PRDM16: variants seen among roughly 807,000 people sequenced by gnomAD.
The protein encoded by PRDM16 is histone-lysine N-methyltransferase PRDM16.
PRDM16 carries 23 observed loss-of-function variants against 110.6 expected under a neutral mutation model. The ratio of observed to expected loss-of-function variants is 0.21; its 90% CI spans 0.15 to 0.29. The LOEUF (loss-of-function observed/expected upper bound fraction) is 0.29. Ranked by LOEUF, PRDM16 falls within the 10% of genes least tolerant of loss-of-function variation. PRDM16 has a pLI of 1.00. For missense variants in PRDM16, 1,615 were observed against 1,794.3 expected, an observed-to-expected ratio of 0.90 and a Z score of 1.81; for synonymous variants, 799 against 781.8, an observed-to-expected ratio of 1.02 and a Z score of -0.37.
intron 3 of PRDM16, among the ~76,000 whole-genome samples, chr1:3,299,554 C>A (rs77467780): frequency 0.027 from 2,150 of 79,520 alleles, 1 homozygote; most frequent in East Asian, 0.037. Context: ...GTGATGTTTC[C>A]GATCCCAGTC....
At chr1:3,074,924 T>G (rs1458456687) in intron 1 of PRDM16, among the ~76,000 whole-genome samples, 1 of 152,232 alleles carries the variant, frequency 6.6e-6, no homozygotes, top group African/African-American at 2.4e-5. Flanking sequence ...CCACGGCTCC[T>G]GAAGTCTGGG....
In PRDM16 at chr1:3,412,638, G is replaced by A. The variant is rs1436260455; in HGVS notation, c.2441G>A (p.Ser814Asn). 1.9e-6 allele frequency: 3 copies of A among 1,568,426 alleles called. No homozygotes were observed. The highest frequency in any genetic ancestry group is 2.6e-6 in the Non-Finnish European group (3 of 1,157,064). The change falls in exon 9 of 17, where the codon AGC (serine) becomes AAC (asparagine). Residue 814 changes from serine (S) to asparagine (N), a missense_variant. By Grantham distance (46) the Ser-to-Asn change is conservative (BLOSUM62 1). This residue lies in a region of PRDM16 where 772 missense variants were observed against 748.3 expected (regional missense o/e 1.03). Coordinates refer to ENST00000270722, the MANE Select transcript of PRDM16 (RefSeq NM_022114.4). ...AGCATCGGCAGCCGGGCCCGTGCCA[G>A]CCAAAACGGCGGCGGGCGGGAGCCC... ...DLSIGSRARA[S>N]QNGGGREPRK...
At chr1:3,108,903 T>TA (rs34467003) in intron 1 of PRDM16, among the ~76,000 whole-genome samples, 8,411 of 146,164 alleles carry the variant, frequency 0.058, 299 homozygotes, top group East Asian at 0.077. Flanking sequence ...CTGTCTCTAC[T>TA]AAAAAAAAAA....
At chr1:3,305,838 G>A (rs900095433) in intron 3 of PRDM16, among the ~76,000 whole-genome samples, 16 of 152,208 alleles carry the variant, frequency 1.1e-4, no homozygotes, top group South Asian at 2.1e-4. Flanking sequence ...GAACCCTTCC[G>A]GGTGATGCCC....
At chr1:3,400,153 G>A (rs1038967972) in intron 5 of PRDM16, among the ~76,000 whole-genome samples, 1 of 152,216 alleles carries the variant, frequency 6.6e-6, no homozygotes, top group Non-Finnish European at 1.5e-5. Context: ...CAAAACCATG[G>A]GCAGGCTGCA....
At chr1:3,287,266 G>GGT (rs1640867820) in intron 3 of PRDM16, among the ~76,000 whole-genome samples, 1 of 148,688 alleles carries the variant, frequency 6.7e-6, no homozygotes, top group Admixed American at 6.7e-5. Flanking sequence ...CGGGGCTGGA[G>GGT]GCGCCCCGCC....
chr1:3,330,694 C>T (rs1642024155), intron 3 of PRDM16, among the ~76,000 whole-genome samples: 2 of 152,254 alleles, frequency 1.3e-5, no homozygotes, highest in South Asian at 4.1e-4. Context: ...GCAGAACAAA[C>T]AGCCCAGAGA....
chr1:3,345,067 TCA>T (rs1038315947), intron 3 of PRDM16, among the ~76,000 whole-genome samples: 1 of 152,212 alleles, frequency 6.6e-6, no homozygotes, highest in African/African-American at 2.4e-5. Flanking sequence ...TCTGACAGCC[TCA>T]CACTGCATCC....
At chr1:3,203,773 C>A (rs1158717855) in intron 2 of PRDM16, among the ~76,000 whole-genome samples, 1 of 152,204 alleles carries the variant, frequency 6.6e-6, no homozygotes, top group East Asian at 1.9e-4. Context: ...ATCACATCTC[C>A]CAAGACCCTG....
chr1:3,284,078 G>A (rs1052762534), intron 3 of PRDM16, among the ~76,000 whole-genome samples: 4 of 152,180 alleles, frequency 2.6e-5, no homozygotes, highest in Admixed American at 6.5e-5. Flanking sequence ...ATCCTCCCAT[G>A]GCCTGGGCCT....
At chr1:3,139,005 T>C (rs1223558124) in intron 1 of PRDM16, among the ~76,000 whole-genome samples, 1 of 152,062 alleles carries the variant, frequency 6.6e-6, no homozygotes, top group Admixed American at 6.5e-5. Context: ...ACTTTGACCT[T>C]TGGGATAAGA....
At chr1:3,108,846 C>A (rs2100634052) in intron 1 of PRDM16, among the ~76,000 whole-genome samples, 1 of 151,420 alleles carries the variant, frequency 6.6e-6, no homozygotes, top group African/African-American at 2.4e-5. Flanking sequence ...AAGGTGCTGG[C>A]AAATTTTTAA....
chr1:3,277,731 GCGCACA>G (rs574017947), intron 3 of PRDM16, among the ~76,000 whole-genome samples: 143 of 150,010 alleles, frequency 9.5e-4, no homozygotes, highest in Non-Finnish European at 1.0e-4. Context: ...ACACACACGC[GCGCACA>G]CACGCACACG....
chr1:3,305,019 T>C (rs1490119099), intron 3 of PRDM16, among the ~76,000 whole-genome samples: 2 of 151,990 alleles, frequency 1.3e-5, no homozygotes, highest in African/African-American at 4.8e-5. Context: ...ACCAATCGAG[T>C]GAACTGTGTT....
intron 1 of PRDM16, among the ~76,000 whole-genome samples, chr1:3,163,341 A>G (rs2742675): frequency 0.019 from 685 of 36,760 alleles, 224 homozygotes; most frequent in East Asian, 0.073. Flanking sequence ...CCCTGGCATG[A>G]CCCCCTTCTA....
At chr1:3,381,561 T>C (rs1008999643) in intron 3 of PRDM16, among the ~76,000 whole-genome samples, 5 of 152,102 alleles carry the variant, frequency 3.3e-5, no homozygotes, top group South Asian at 2.1e-4. Context: ...CAGCTAACTT[T>C]TGTATTTTTA....
chr1:3,219,206 A>G (rs551897475), intron 2 of PRDM16, among the ~76,000 whole-genome samples: 4 of 152,364 alleles, frequency 2.6e-5, no homozygotes, highest in Admixed American at 6.5e-5. Context: ...AAACATTTTT[A>G]TTTCCAATTA....
intron 12 of PRDM16, among the ~76,000 whole-genome samples, chr1:3,424,434 C>T (rs1008507124): frequency 1.3e-5 from 2 of 152,238 alleles, no homozygotes; most frequent in Non-Finnish European, 2.9e-5. Flanking sequence ...GACTTTCCAG[C>T]CGCAAGGGGC....
At chr1:3,305,480 C>T (rs547582963) in intron 3 of PRDM16, among the ~76,000 whole-genome samples, 2 of 152,326 alleles carry the variant, frequency 1.3e-5, no homozygotes, top group South Asian at 2.1e-4. Flanking sequence ...TAGGTGTAAG[C>T]GGATGCTCCT....
Sources: allele counts gnomAD v4.1 joint callset (sites outside exome capture counted in the v4.1 genomes callset), GRCh38; gene constraint gnomAD v4.1.1; regional missense constraint gnomAD v4.1.1; transcripts MANE v1.5; gene names NCBI Gene and HGNC (gene_info 2026-07-23, HGNC 2026-07-21).